SMARCA2: variants seen among roughly 807,000 people sequenced by gnomAD.
SMARCA2 encodes the protein SWI/SNF-related matrix-associated actin-dependent regulator of chromatin subfamily A member 2.
In SMARCA2, 61 loss-of-function variants were observed where a neutral mutation model predicts 199.8. That is an observed-to-expected ratio of 0.31 (90% CI 0.25 to 0.38). SMARCA2 has a LOEUF of 0.38. SMARCA2 is among the 10% of genes least tolerant of loss of function. The pLI is 1.00. For missense variants in SMARCA2, 1,344 were observed against 2,012.2 expected (o/e 0.67, Z 6.35); for synonymous variants, 935 against 732.0 (o/e 1.28, Z -4.48).
intron 8 of SMARCA2, among the ~76,000 whole-genome samples, chr9:2,060,004 G>A (rs775105914): frequency 1.3e-5 from 2 of 151,630 alleles, no homozygotes; most frequent in Non-Finnish European, 2.9e-5. Context: ...TGCTTAATGG[G>A]AGGTGGAGGT....
At chr9:2,097,586 G>A (rs1187588706) in intron 21 of SMARCA2, 115 bp downstream of exon 21, 8 of 631,694 alleles carry the variant, frequency 1.3e-5, no homozygotes, top group South Asian at 6.6e-5. Flanking sequence ...ACATGTTGGC[G>A]GAAGTTGAGA....
At chr9:2,044,996 G>A (rs930449171) in intron 4 of SMARCA2, 2 of 152,176 alleles carry the variant, frequency 1.3e-5, no homozygotes, top group Non-Finnish European at 2.9e-5. Context: ...TTGATTAAAT[G>A]TAGTTTTTAA....
intron 22 of SMARCA2, among the ~76,000 whole-genome samples, 178 bp downstream of exon 22, chr9:2,101,794 A>G (rs1033026768): frequency 6.6e-6 from 1 of 152,198 alleles, no homozygotes; most frequent in African/African-American, 2.4e-5. Context: ...GGCATAAATT[A>G]TTACTTGCCT....
At chr9:2,102,113 G>A (rs1822542390) in intron 22 of SMARCA2, among the ~76,000 whole-genome samples, 1 of 151,054 alleles carries the variant, frequency 6.6e-6, no homozygotes, top group Admixed American at 6.6e-5. Flanking sequence ...CAACAAAAAT[G>A]AACACTGCAT....
At position 2,161,594 on chromosome 9, in the gene SMARCA2, A is replaced by G. The variant is rs1825678487; in HGVS notation, c.3982-92A>G. 4 of 819,182 alleles carry G rather than the reference A, an allele frequency of 4.9e-6. No individual in the cohort carries two copies. The East Asian group carries it at 7.8e-5, about 16-fold the overall frequency. 50.7% of individuals were successfully genotyped at this position (819,182 alleles called of 1,614,324 possible). Reference sequence around the variant, plus strand: ...TGGTTAATTTCTTTCATTTTATTCTAATTGTTGGAGCTATATATAAATATA... The same window carrying G: ...TGGTTAATTTCTTTCATTTTATTCTGATTGTTGGAGCTATATATAAATATA... On this transcript the variant is annotated intron_variant, in intron 27 of 33. Coordinates refer to ENST00000349721, the MANE Select transcript of SMARCA2 (RefSeq NM_003070.5). This position sits in a 1 kb window ranked among gnomAD's most constrained non-coding sequence, Gnocchi z 4.7.
intron 27 of SMARCA2, 87 bp downstream of exon 27, chr9:2,124,024 T>C: frequency 1.9e-6 from 2 of 1,029,938 alleles, no homozygotes; most frequent in Non-Finnish European, 3.0e-6. Flanking sequence ...TGGGATTTTC[T>C]GAGGAGGTTG....
intron 27 of SMARCA2, among the ~76,000 whole-genome samples, chr9:2,139,969 TTGACCTATTCCCAGGAA>T (rs548709553): frequency 7.5e-4 from 114 of 152,350 alleles, no homozygotes; most frequent in African/African-American, 2.6e-3. Context: ...CAAAGTTAGC[TTGACCTATTCCCAGGAA>T]TGACTAAGGA....
chr9:2,026,061 G>C (rs1231008696), intron 1 of SMARCA2, among the ~76,000 whole-genome samples: 1 of 152,162 alleles, frequency 6.6e-6, no homozygotes, highest in African/African-American at 2.4e-5. Context: ...GAGCCTAGAG[G>C]AAGTCAGGAC....
At chr9:2,142,141 G>A (rs1022426420) in intron 27 of SMARCA2, among the ~76,000 whole-genome samples, 1 of 152,174 alleles carries the variant, frequency 6.6e-6, no homozygotes, top group Admixed American at 6.5e-5. Context: ...TCAAGTTGCA[G>A]ATGCTCTACC....
intron 31 of SMARCA2, 119 bp downstream of exon 31, chr9:2,182,361 T>A: frequency 1.6e-6 from 1 of 638,808 alleles, no homozygotes; most frequent in Non-Finnish European, 2.7e-6. Context: ...GAAAAATAAC[T>A]AAAAGCCTAT....
chr9:2,074,955 T>C (rs1031664042), intron 12 of SMARCA2: 1 of 152,242 alleles, frequency 6.6e-6, no homozygotes, highest in African/African-American at 2.4e-5. Flanking sequence ...TAAAGGTGTC[T>C]TGTTTACTTG....
At position 2,186,228 on chromosome 9, in the gene SMARCA2, G is replaced by A. The variant is rs766018422; in HGVS notation, c.4594G>A (p.Ala1532Thr). 3.7e-6 allele frequency: 6 copies of A among 1,613,146 alleles called. No homozygotes were observed. In the South Asian group the frequency reaches 4.4e-5, roughly 12 times the overall value. The change falls in exon 32 of 34, where the codon GCA (alanine) becomes ACA (threonine). Residue 1532 changes from alanine (A) to threonine (T), a missense_variant and splice_region_variant. Ala to Thr is a moderately conservative substitution (Grantham distance 58, BLOSUM62 0). This residue lies in a region of SMARCA2 where 155 missense variants were observed against 121.1 expected (regional missense o/e 1.28). Transcript: ENST00000349721. ...AGATGAAGAAGAGTCAGAGTCCGAG[G>A]GTAAGCCCAGACATTCGGGTCCTGT... ...EEDEEESESEAKSVKVKIKLN... is the reference protein window; with the variant it reads ...EEDEEESESETKSVKVKIKLN...
chr9:2,079,654 C>G (rs1445256572), intron 14 of SMARCA2, among the ~76,000 whole-genome samples: 2 of 152,208 alleles, frequency 1.3e-5, no homozygotes, highest in Non-Finnish European at 2.9e-5. Flanking sequence ...AGGACCACTG[C>G]TCTGGCCTTA....
chr9:2,090,436 G>A (rs1822002995), intron 19 of SMARCA2, among the ~76,000 whole-genome samples: 1 of 151,674 alleles, frequency 6.6e-6, no homozygotes, highest in African/African-American at 2.4e-5. Flanking sequence ...GAGTAGGCAT[G>A]GGTTTCACCA....
Position 2,115,614 on chromosome 9 carries a change from T to C in SMARCA2, c.3457-208T>C, listed in dbSNP as rs1400459391. Among the ~76,000 whole-genome samples, 3 of 152,222 alleles carry C rather than the reference T, an allele frequency of 2.0e-5. No homozygotes were observed. Among genetic ancestry groups the C allele is most frequent in the Non-Finnish European group, 4.4e-5 (3 of 68,036 alleles). ...AAACCTGAGATGTATTTCAGTTGGCTTGGTTAATTTCAACCCAGGTTTCTT... is the reference window on the plus strand; with the variant it reads ...AAACCTGAGATGTATTTCAGTTGGCCTGGTTAATTTCAACCCAGGTTTCTT... On this transcript the variant is annotated intron_variant, in intron 24 of 33. Coordinates refer to ENST00000349721, the MANE Select transcript of SMARCA2 (RefSeq NM_003070.5). This position sits in a 1 kb window ranked among gnomAD's most constrained non-coding sequence, Gnocchi z 6.0.
chr9:2,055,518 C>T (rs1001445068), intron 6 of SMARCA2: 1 of 152,228 alleles, frequency 6.6e-6, no homozygotes, highest in African/African-American at 2.4e-5. Flanking sequence ...AAGTCTGGAA[C>T]ATGCGAAATG....
chr9:2,050,136 CCTT>C (rs1199784145), intron 5 of SMARCA2, among the ~76,000 whole-genome samples: 1 of 152,138 alleles, frequency 6.6e-6, no homozygotes, highest in Non-Finnish European at 1.5e-5. Flanking sequence ...GACAAATTGA[CCTT>C]CTTTTTCATT....
intron 3 of SMARCA2, among the ~76,000 whole-genome samples, chr9:2,034,898 A>G (rs574157142): frequency 8.6e-4 from 131 of 152,300 alleles, no homozygotes; most frequent in African/African-American, 3.1e-3. Flanking sequence ...TTTGCAGTAC[A>G]AGAAGAACAG....
At chr9:2,168,597 A>G (rs370937986) in intron 28 of SMARCA2, among the ~76,000 whole-genome samples, 2 of 152,184 alleles carry the variant, frequency 1.3e-5, no homozygotes, top group African/African-American at 4.8e-5. Flanking sequence ...AGGCTTTCCC[A>G]CACTGATTAT....
Sources: allele counts gnomAD v4.1 joint callset (sites outside exome capture counted in the v4.1 genomes callset), GRCh38; gene constraint gnomAD v4.1.1; regional missense constraint gnomAD v4.1.1; non-coding constraint Gnocchi (gnomAD v3.1); transcripts MANE v1.5; gene names NCBI Gene and HGNC (gene_info 2026-07-23, HGNC 2026-07-21).